KCNQ2: variants seen among roughly 807,000 people sequenced by gnomAD.
KCNQ2 encodes the protein potassium voltage-gated channel subfamily Q member 2.
KCNQ2 carries 14 observed loss-of-function variants against 84.8 expected under a neutral mutation model. That is an observed-to-expected ratio of 0.17 (90% CI 0.11 to 0.26). The LOEUF is 0.26. Ranked by LOEUF, KCNQ2 falls within the 10% of genes least tolerant of loss-of-function variation. The pLI, the probability that KCNQ2 is intolerant of heterozygous loss-of-function variation, is 1.00. For synonymous variants in KCNQ2, 599 were observed against 554.1 expected (o/e 1.08, Z -1.14); for missense variants, 788 against 1,254.0 (o/e 0.63, Z 5.61).
Position 63,408,261 on chromosome 20 carries a change from A to T in KCNQ2, c.1887+152T>A, listed in dbSNP as rs2080009446. 7 of 1,009,480 alleles carry T rather than the reference A, an allele frequency of 6.9e-6. No homozygotes were observed. The Admixed American group carries it at 1.5e-4, about 21-fold the overall frequency. The allele number at this position is 1,009,480 out of a possible 1,614,324, so 62.5% of individuals were successfully genotyped here. ...TCACGGTGGGGTGTGAGGGGTCTGC[A>T]CAGAGCAGCTGTCAGTGGTGACAGG... On this transcript the variant is annotated intron_variant, in intron 16 of 16. Coordinates refer to ENST00000359125, the MANE Select transcript of KCNQ2 (RefSeq NM_172107.4). This position sits in a 1 kb window ranked among gnomAD's most constrained non-coding sequence, Gnocchi z 5.0.
rs1170516722 is a variant in KCNQ2, at chr20:63,403,481, G to A, written c.*3163C>T. On this transcript the variant is annotated 3_prime_UTR_variant, in exon 17 of 17. Transcript: ENST00000359125. ...CTGTGCACCTGTGTGCATGTGCTGT[G>A]TGGCCTATGCACTTTGTGTGTGCAT... 1 of 152,326 alleles carries A rather than the reference G, an allele frequency of 6.6e-6. No homozygotes were observed. Among genetic ancestry groups the A allele is most frequent in the Non-Finnish European group, 1.5e-5 (1 of 68,228 alleles). 9.4% of individuals were successfully genotyped at this position (152,326 alleles called of 1,614,324 possible).
intron 1 of KCNQ2, among the ~76,000 whole-genome samples, chr20:63,469,077 C>T (rs1157057608): frequency 6.6e-6 from 1 of 152,238 alleles, no homozygotes; most frequent in Non-Finnish European, 1.5e-5. Flanking sequence ...GGTTCAACTC[C>T]GTGGTGGAGC....
At chr20:63,429,948 G>T (rs1312163881) in intron 9 of KCNQ2, among the ~76,000 whole-genome samples, 1 of 152,238 alleles carries the variant, frequency 6.6e-6, no homozygotes, top group Non-Finnish European at 1.5e-5. Flanking sequence ...ACAGTCCGCT[G>T]TCCAAGTCGG....
intron 7 of KCNQ2, among the ~76,000 whole-genome samples, chr20:63,435,046 C>T (rs1420820466): frequency 6.6e-6 from 1 of 152,292 alleles, no homozygotes; most frequent in South Asian, 2.1e-4. Context: ...CGCTACATTC[C>T]TACCAGCAGG....
chr20:63,432,013 T>C (rs542451782), intron 8 of KCNQ2, among the ~76,000 whole-genome samples: 4,665 of 24,326 alleles, frequency 0.19, 1 homozygote, highest in African/African-American at 0.2. Context: ...GAAGGCCCCA[T>C]CCACAGGGAA....
chr20:63,429,672 G>C (rs143329968), intron 9 of KCNQ2, among the ~76,000 whole-genome samples: 352 of 152,242 alleles, frequency 2.3e-3, no homozygotes, highest in African/African-American at 7.9e-3. Flanking sequence ...TGCCTCCAAA[G>C]CAAAAGGATG....
intron 5 of KCNQ2, among the ~76,000 whole-genome samples, chr20:63,440,856 A>G (rs961406663): frequency 6.6e-6 from 1 of 151,946 alleles, no homozygotes; most frequent in Admixed American, 6.5e-5. Flanking sequence ...TGCCACACAG[A>G]GTGGGCGGGA....
rs1371970279 is a variant in KCNQ2, at chr20:63,472,375, C to G, written c.89G>C (p.Gly30Ala). Residue 30 changes from glycine (G) to alanine (A), a missense_variant, in exon 1 of 17, where the codon GGC (glycine) becomes GCC (alanine). Transcript: ENST00000359125. Reference protein sequence around the residue: ...LKVGFVGLDPGAPDSTRDGAL... With the variant: ...LKVGFVGLDPAAPDSTRDGAL... ...CCCGTCCCGGGTGGAGTCGGGCGCG[C>G]CGGGGTCCAGCCCCACGAAGCCCAC... 1 of 1,534,786 alleles carries G rather than the reference C, an allele frequency of 6.5e-7. No homozygotes were observed. The highest frequency in any genetic ancestry group is 8.7e-7 in the Non-Finnish European group (1 of 1,143,016).
chr20:63,471,921 C>G (rs1291982908), intron 1 of KCNQ2, among the ~76,000 whole-genome samples: 1 of 152,206 alleles, frequency 6.6e-6, no homozygotes, highest in Non-Finnish European at 1.5e-5. Context: ...CCGCACGTCT[C>G]TGTCCTGCGG....
intron 4 of KCNQ2, among the ~76,000 whole-genome samples, chr20:63,443,111 C>CCATCACCGT (rs1568936273): frequency 1.1e-5 from 1 of 89,122 alleles, no homozygotes; most frequent in African/African-American, 4.2e-5. Flanking sequence ...ACCATCACCA[C>CCATCACCGT]CACCACTATC....
intron 9 of KCNQ2, among the ~76,000 whole-genome samples, chr20:63,430,955 T>G (rs2080770171): frequency 6.6e-6 from 1 of 152,124 alleles, no homozygotes; most frequent in East Asian, 1.9e-4. Flanking sequence ...TCATTCCTGC[T>G]CTGCTCACAG....
intron 1 of KCNQ2, among the ~76,000 whole-genome samples, chr20:63,461,445 C>T (rs2081943939): frequency 6.6e-6 from 1 of 152,222 alleles, no homozygotes; most frequent in Admixed American, 6.5e-5. Context: ...CCCATAGCTG[C>T]CCAGAGGTGA....
intron 1 of KCNQ2, among the ~76,000 whole-genome samples, chr20:63,470,611 G>T (rs551117320): frequency 1.7e-3 from 257 of 152,358 alleles, no homozygotes; most frequent in African/African-American, 5.9e-3. Context: ...ACTCAAAGCA[G>T]AACCAACCCT....
In KCNQ2 at chr20:63,438,590, G is replaced by T; in HGVS notation, c.1023+35C>A. The T allele has an allele frequency of 3.2e-6, 5 of 1,561,868 alleles. No homozygotes were observed. Among genetic ancestry groups the T allele is most frequent in the Non-Finnish European group, 3.5e-6 (4 of 1,133,474 alleles). ...CTCAACAAGGTGGGACCAGGACAAG[G>T]GCTGTGCTGGTCCCCGGGGGACACC... On this transcript the variant is annotated intron_variant, in intron 7 of 16. Transcript: ENST00000359125. The surrounding 1 kb of genome is among the most constrained non-coding windows in gnomAD (Gnocchi z 5.1).
intron 1 of KCNQ2, among the ~76,000 whole-genome samples, chr20:63,465,888 G>A (rs773377178): frequency 4.6e-5 from 7 of 152,204 alleles, no homozygotes; most frequent in African/African-American, 4.8e-5. Context: ...TGCTAAAGGC[G>A]GCCTCATGGC....
At position 63,404,183 on chromosome 20, in the gene KCNQ2, C is replaced by T. The variant is rs1366954236; in HGVS notation, c.*2461G>A. ...CTGTCTTCCTCATCCTGCAGAGCCC[C>T]AACCTGTGCCCAGGTGCTCATGCCT... On this transcript the variant is annotated 3_prime_UTR_variant, in exon 17 of 17. Transcript: ENST00000359125. The T allele has an allele frequency of 6.6e-6, 1 of 152,368 alleles. No individual in the cohort carries two copies. The highest frequency in any genetic ancestry group is 2.4e-5 in the African/African-American group (1 of 41,442). The allele number at this position is 152,368 out of a possible 1,614,324, so 9.4% of individuals were successfully genotyped here.
chr20:63,405,630 A>G lies in KCNQ2; in HGVS notation c.*1014T>C, dbSNP rs538380280. The G allele has an allele frequency of 6.6e-6, 1 of 152,460 alleles. No individual in the cohort carries two copies. Among genetic ancestry groups the G allele is most frequent in the South Asian group, 2.1e-4 (1 of 4,832 alleles). The allele number at this position is 152,460 out of a possible 1,614,324, so 9.4% of individuals were successfully genotyped here. A position where few individuals can be genotyped will look rare whatever the true frequency, so the allele number is the denominator to read the frequency against. ...AGCCCTGCCCCAGGTCTGTCGGGGC[A>G]CTGGTGGGACACAGGCGAGGTGGGG... On this transcript the variant is annotated 3_prime_UTR_variant, in exon 17 of 17. Transcript: ENST00000359125.
At chr20:63,442,971 CCACCATCACCACCATTACCAT>C (rs1600772741) in intron 4 of KCNQ2, among the ~76,000 whole-genome samples, 1 of 13,946 alleles carries the variant, frequency 7.2e-5, no homozygotes, top group East Asian at 2.4e-3. Context: ...ACCACCACCA[CCACCATCACCACCATTACCAT>C]CACCATCACC....
At chr20:63,452,941 A>C (rs2081657947) in intron 1 of KCNQ2, among the ~76,000 whole-genome samples, 1 of 152,162 alleles carries the variant, frequency 6.6e-6, no homozygotes, top group African/African-American at 2.4e-5. Flanking sequence ...GGCTTCCAGG[A>C]AGAATAGTCC....
Sources: gnomAD v4.1 joint callset for allele counts (sites outside exome capture counted in the v4.1 genomes callset) on GRCh38, gnomAD v4.1.1 for gene constraint, Gnocchi (gnomAD v3.1) non-coding constraint, MANE v1.5 for transcripts, NCBI Gene and HGNC (gene_info 2026-07-23, HGNC 2026-07-21) for gene names.